Variants in DCBLD2 observed in about 807,000 individuals in gnomAD.
The protein encoded by DCBLD2 is discoidin, CUB and LCCL domain containing 2, also known as discoidin, CUB and LCCL domain-containing protein 2.
DCBLD2 carries 54 observed loss-of-function variants against 86.8 expected under a neutral mutation model. That is an observed-to-expected ratio of 0.62 (90% CI 0.50 to 0.78). DCBLD2 has a LOEUF of 0.78. Ranked by LOEUF, DCBLD2 falls within the 30% of genes least tolerant of loss-of-function variation. The pLI is 0.00. For missense variants in DCBLD2, 908 were observed against 954.2 expected (o/e 0.95, Z 0.64); for synonymous variants, 354 against 341.3 (o/e 1.04, Z -0.41).
chr3:98,885,466 C>T (rs1943545553), intron 1 of DCBLD2, among the ~76,000 whole-genome samples: 1 of 151,896 alleles, frequency 6.6e-6, no homozygotes, highest in Non-Finnish European at 1.5e-5. Context: ...TGACCCTATA[C>T]ACTCTCGCAT....
chr3:98,811,566 GT>G lies in DCBLD2; in HGVS notation c.1364-13del. On this transcript the variant is annotated splice_polypyrimidine_tract_variant and intron_variant, in intron 10 of 15. Transcript: ENST00000326840. Reference sequence around the variant, plus strand: ...TTTTGGAGGACGACCTTGAAAAATGGTTTAGAAAAATTTAAACATTTTGTTT... The same window carrying G: ...TTTTGGAGGACGACCTTGAAAAATGGTTAGAAAAATTTAAACATTTTGTTT... The G allele has an allele frequency of 1.2e-5, 18 of 1,555,014 alleles. No homozygotes were observed. The highest frequency in any genetic ancestry group is 1.6e-5 in the Non-Finnish European group (18 of 1,155,510).
intron 9 of DCBLD2, chr3:98,815,594 C>CA (rs1942006437): frequency 6.6e-6 from 1 of 151,938 alleles, no homozygotes; most frequent in African/African-American, 2.4e-5. Flanking sequence ...TAAAAAGACC[C>CA]ATATATGACA....
chr3:98,880,761 G>GA (rs1943451685), intron 2 of DCBLD2, among the ~76,000 whole-genome samples: 1 of 151,986 alleles, frequency 6.6e-6, no homozygotes, highest in African/African-American at 2.4e-5. Flanking sequence ...TTTTACAAGA[G>GA]AAAAAATGGA....
At chr3:98,886,097 T>C (rs963768246) in intron 1 of DCBLD2, among the ~76,000 whole-genome samples, 4 of 151,984 alleles carry the variant, frequency 2.6e-5, no homozygotes, top group Non-Finnish European at 5.9e-5. Context: ...GGTAATGCTG[T>C]TCTATTCACT....
rs1016692344 is a variant in DCBLD2 at position 98,879,333 on chromosome 3, A to T, written c.433+2207T>A. On this transcript the variant is annotated intron_variant, in intron 2 of 15. Transcript: ENST00000326840. ...AATAATTTTAACATTATTACATCTA[A>T]AACAGTCATTCTTTACCATCACTGA... Among the ~76,000 whole-genome samples, 38 of 152,298 alleles carry T rather than the reference A, an allele frequency of 2.5e-4. 1 individual carries two copies. The highest frequency in any genetic ancestry group is 2.4e-4 in the Non-Finnish European group (16 of 68,032).
intron 13 of DCBLD2, among the ~76,000 whole-genome samples, chr3:98,805,800 G>A (rs1447528127): frequency 1.3e-5 from 2 of 152,148 alleles, no homozygotes; most frequent in Admixed American, 6.5e-5. Context: ...GGCTCTGTCT[G>A]ACTTCTGCCC....
At chr3:98,824,662 G>T (rs559537388) in intron 4 of DCBLD2, among the ~76,000 whole-genome samples, 1 of 152,306 alleles carries the variant, frequency 6.6e-6, no homozygotes, top group East Asian at 1.9e-4. Context: ...TAACTCAAGA[G>T]TCATTTCAAT....
chr3:98,895,155 A>G (rs1348461452), intron 1 of DCBLD2: 1 of 152,246 alleles, frequency 6.6e-6, no homozygotes, highest in African/African-American at 2.4e-5. Context: ...TCTGAACTAT[A>G]CAGTGTGAGA....
chr3:98,816,974 C>T (rs278388), intron 9 of DCBLD2, among the ~76,000 whole-genome samples: 46,791 of 151,864 alleles, frequency 0.31, 8,614 homozygotes, highest in East Asian at 0.69. Flanking sequence ...GTGGAGATGG[C>T]GTGTTGCCAT....
At chr3:98,813,792 T>C (rs910825752) in intron 9 of DCBLD2, 4 of 152,240 alleles carry the variant, frequency 2.6e-5, no homozygotes, top group South Asian at 4.1e-4. Context: ...GATAGTATCT[T>C]ACAATGGACC....
chr3:98,822,518 G>A (rs938591731), intron 5 of DCBLD2, 151 bp downstream of exon 5: 2 of 1,240,558 alleles, frequency 1.6e-6, no homozygotes, highest in Admixed American at 5.9e-5. Context: ...AACAGTTTTA[G>A]CAGAAGAAAA....
intron 12 of DCBLD2, 95 bp from the exon 13 acceptor site, chr3:98,808,269 T>C: frequency 9.6e-7 from 1 of 1,046,690 alleles, no homozygotes; most frequent in South Asian, 1.8e-5. Context: ...TCTTTCAACA[T>C]TTTTCTACCT....
At chr3:98,870,767 A>G (rs1943259352) in intron 2 of DCBLD2, among the ~76,000 whole-genome samples, 1 of 147,846 alleles carries the variant, frequency 6.8e-6, no homozygotes, top group African/African-American at 2.5e-5. Flanking sequence ...GAAAGAAAGA[A>G]AGAAAGAAAG....
chr3:98,844,062 A>ACACACACC (rs1459005169), intron 3 of DCBLD2, among the ~76,000 whole-genome samples: 25 of 144,120 alleles, frequency 1.7e-4, no homozygotes, highest in African/African-American at 5.9e-4. Context: ...ACACACACAC[A>ACACACACC]CCCCAATTAT....
At chr3:98,833,613 G>A (rs1002493402) in intron 3 of DCBLD2, among the ~76,000 whole-genome samples, 10 of 152,268 alleles carry the variant, frequency 6.6e-5, no homozygotes, top group South Asian at 6.2e-4. Flanking sequence ...GTCAGGTGGG[G>A]GTACAGTGGT....
In DCBLD2 at chr3:98,858,288, T is replaced by G. The variant is rs1942974721; in HGVS notation, c.434-8690A>C. 1.3e-5 allele frequency among the ~76,000 whole-genome samples: 2 copies of G among 152,226 alleles called. 1 individual carries two copies. Among genetic ancestry groups the G allele is most frequent in the Non-Finnish European group, 2.9e-5 (2 of 68,030 alleles). On this transcript the variant is annotated intron_variant, in intron 2 of 15. Transcript: ENST00000326840. ...CCGCAAGCGCCGTGTGCAGCCCCAGTTCCCGCCTGCGCCTCTCCCTCCACA... is the reference window on the plus strand; with the variant it reads ...CCGCAAGCGCCGTGTGCAGCCCCAGGTCCCGCCTGCGCCTCTCCCTCCACA...
chr3:98,801,799 T>G (rs1008281089), intron 13 of DCBLD2, 150 bp from the exon 14 acceptor site: 28 of 545,930 alleles, frequency 5.1e-5, no homozygotes, highest in Non-Finnish European at 8.4e-5. Context: ...AGTGAGAACA[T>G]GCGGTGTTTG....
chr3:98,823,004 CTGGGAT>C (rs1942151230), intron 4 of DCBLD2, among the ~76,000 whole-genome samples: 1 of 152,154 alleles, frequency 6.6e-6, no homozygotes, highest in African/African-American at 2.4e-5. Context: ...TCCCGAGTAG[CTGGGAT>C]TACAGGTGCA....
At position 98,886,800 on chromosome 3, in the gene DCBLD2, ACCCC is replaced by A. The variant is rs56817910; in HGVS notation, c.206-5037_206-5034del. Among the ~76,000 whole-genome samples, 5 of 123,712 alleles carry A rather than the reference ACCCC, an allele frequency of 4.0e-5. 1 individual carries two copies. 81.2% of individuals were successfully genotyped at this position (123,712 alleles called of 152,430 possible). A position where few individuals can be genotyped will look rare whatever the true frequency, so the allele number is the denominator to read the frequency against. On this transcript the variant is annotated intron_variant, in intron 1 of 15. Transcript: ENST00000326840. ...CAAATTTTGATATTATTACAGGAAA[ACCCC>A]CCCCCTTTTTTTTTTTTTTTTACTA...
Sources: gnomAD v4.1 joint callset for allele counts (sites outside exome capture counted in the v4.1 genomes callset) on GRCh38, gnomAD v4.1.1 for gene constraint, MANE v1.5 for transcripts, NCBI Gene and HGNC (gene_info 2026-07-23, HGNC 2026-07-21) for gene names.